IKZF1: variants seen among roughly 807,000 people sequenced by gnomAD.
IKZF1 encodes DNA-binding protein Ikaros.
IKZF1 carries 10 observed loss-of-function variants against 51.7 expected under a neutral mutation model. The observed-to-expected ratio is 0.19, with a 90% confidence interval of 0.12 to 0.33. IKZF1 has a LOEUF of 0.33. Ranked by LOEUF, IKZF1 falls within the 10% of genes least tolerant of loss-of-function variation. The pLI is 1.00. For missense variants in IKZF1, 484 were observed against 707.5 expected (o/e 0.68, Z 3.58); for synonymous variants, 280 against 282.3 (o/e 0.99, Z 0.08).
chr7:50,367,774 T>C, intron 3 of IKZF1: 1 of 505,404 alleles, frequency 2.0e-6, no homozygotes, highest in Non-Finnish European at 3.5e-6. Context: ...TCCAAACCAC[T>C]TTATGGGATA....
chr7:50,326,393 C>T (rs1254783248), intron 2 of IKZF1, among the ~76,000 whole-genome samples: 1 of 152,208 alleles, frequency 6.6e-6, no homozygotes, highest in Non-Finnish European at 1.5e-5. Flanking sequence ...GGACCTTCAT[C>T]TAAAATGGTC....
chr7:50,385,336 T>C lies in IKZF1; in HGVS notation c.590-2009T>C, dbSNP rs545514939. Among the ~76,000 whole-genome samples the C allele has an allele frequency of 2.0e-5, 3 of 152,326 alleles. No homozygotes were observed. In the East Asian group the frequency reaches 5.8e-4, roughly 29 times the overall value. ...CACACTCTACTCCATTGTGGAATGG[T>C]GACTCCCCTGTCCCATGAAAAACCA... On this transcript the variant is annotated intron_variant, in intron 5 of 7. Coordinates refer to ENST00000331340, the MANE Select transcript of IKZF1 (RefSeq NM_006060.6).
intron 5 of IKZF1, among the ~76,000 whole-genome samples, chr7:50,385,520 A>T (rs1057223353): frequency 6.6e-6 from 1 of 152,258 alleles, no homozygotes; most frequent in Admixed American, 6.5e-5. Flanking sequence ...TTCCTGCCTC[A>T]TGGCTTCCTT....
rs1815131435 is a variant in IKZF1, at chr7:50,391,735, A to G, written c.722A>G (p.Lys241Arg). 1 of 1,613,968 alleles carries G rather than the reference A, an allele frequency of 6.2e-7. No homozygotes were observed. The highest frequency in any genetic ancestry group is 8.5e-7 in the Non-Finnish European group (1 of 1,179,884). ...GLPGTLYPVI[K>R]EETNHSEMAE... ...TCTCTGTCTTTGACTTTAGTCATTA[A>G]AGAAGAAACTAATCACAGTGAAATG... Residue 241 changes from lysine to arginine, a missense_variant, in exon 7 of 8, where the codon AAA (lysine) becomes AGA (arginine). Lys to Arg is a conservative substitution (Grantham distance 26). Around this residue, in one of 6 missense-constraint regions of IKZF1, gnomAD observed 172 missense variants for 192.7 expected, o/e 0.89. Transcript: ENST00000331340.
At chr7:50,397,269 C>A (rs1232401551) in intron 7 of IKZF1, among the ~76,000 whole-genome samples, 3 of 152,154 alleles carry the variant, frequency 2.0e-5, no homozygotes, top group Admixed American at 6.5e-5. Flanking sequence ...ATATAATATT[C>A]TATGACTATA....
At chr7:50,397,317 A>G (rs1768201202) in intron 7 of IKZF1, among the ~76,000 whole-genome samples, 1 of 152,234 alleles carries the variant, frequency 6.6e-6, no homozygotes, top group Non-Finnish European at 1.5e-5. Flanking sequence ...GTTAAGAGAA[A>G]TTTATAGGTT....
intron 7 of IKZF1, among the ~76,000 whole-genome samples, chr7:50,395,647 A>G (rs1816502395): frequency 6.6e-6 from 1 of 152,210 alleles, no homozygotes; most frequent in African/African-American, 2.4e-5. Flanking sequence ...TACTAACTCT[A>G]TTTAAATAGA....
intron 3 of IKZF1, chr7:50,367,819 T>C: frequency 1.7e-6 from 1 of 578,346 alleles, no homozygotes; most frequent in East Asian, 2.9e-5. Flanking sequence ...GGGATTGTGG[T>C]CCTGTTCATG....
rs912314746 is a variant in IKZF1 at position 50,331,505 on chromosome 7, T to G, written c.160+3748T>G. Among the ~76,000 whole-genome samples, 5 of 151,716 alleles carry G rather than the reference T, an allele frequency of 3.3e-5. No homozygotes were observed. The South Asian group carries it at 6.3e-4, about 19-fold the overall frequency. ...TTGCAAGAGTGTCTGCTTTAGAAAGTGACAAGGAACACTTTTGGAAAGCTG... is the reference window on the plus strand; with the variant it reads ...TTGCAAGAGTGTCTGCTTTAGAAAGGGACAAGGAACACTTTTGGAAAGCTG... On this transcript the variant is annotated intron_variant, in intron 3 of 7. Transcript: ENST00000331340.
intron 3 of IKZF1, among the ~76,000 whole-genome samples, chr7:50,374,416 T>A (rs1049288091): frequency 1.3e-5 from 2 of 152,224 alleles, no homozygotes; most frequent in African/African-American, 4.8e-5. Flanking sequence ...ATTTGGATGC[T>A]GGGGCCAGGC....
intron 5 of IKZF1, 22 bp downstream of exon 5, chr7:50,382,729 CG>C: frequency 1.3e-6 from 2 of 1,592,118 alleles, no homozygotes; most frequent in Non-Finnish European, 8.5e-7. Flanking sequence ...GGATGCAGTC[CG>C]GGGCTGTCTG....
chr7:50,400,152 A>T lies in IKZF1; in HGVS notation c.1085A>T (p.Asn362Ile). 1 of 1,562,628 alleles carries T rather than the reference A, an allele frequency of 6.4e-7. No individual in the cohort carries two copies. Among genetic ancestry groups the T allele is most frequent in the Non-Finnish European group, 8.7e-7 (1 of 1,155,188 alleles). ...CTCGCGGAGGGCACCCCGCGCTCCA[A>T]CCACTCGGCCCAGGACAGCGCCGTG... is the stretch of plus-strand genomic sequence containing the variant. ...KPLAEGTPRSNHSAQDSAVEN... is the reference protein window; with the variant it reads ...KPLAEGTPRSIHSAQDSAVEN... The change falls in exon 8 of 8, where the codon AAC (asparagine) becomes ATC (isoleucine). Residue 362 changes from asparagine to isoleucine, a missense_variant. By Grantham distance (149) the Asn-to-Ile change is moderately radical. Coordinates refer to ENST00000331340, the MANE Select transcript of IKZF1 (RefSeq NM_006060.6). This position sits in a 1 kb window ranked among gnomAD's most constrained non-coding sequence, Gnocchi z 5.4.
chr7:50,362,781 G>A (rs763282530), intron 3 of IKZF1, among the ~76,000 whole-genome samples: 9 of 152,068 alleles, frequency 5.9e-5, no homozygotes, highest in South Asian at 2.1e-4. Context: ...AGTTGTGACC[G>A]GATAAGAGCA....
At chr7:50,373,778 A>G (rs1809421457) in intron 3 of IKZF1, among the ~76,000 whole-genome samples, 1 of 152,236 alleles carries the variant, frequency 6.6e-6, no homozygotes, top group Non-Finnish European at 1.5e-5. Flanking sequence ...TCTCCCAGAA[A>G]GATGCACAGC....
At chr7:50,332,030 G>T (rs1796538358) in intron 3 of IKZF1, among the ~76,000 whole-genome samples, 2 of 152,208 alleles carry the variant, frequency 1.3e-5, no homozygotes, top group Non-Finnish European at 2.9e-5. Flanking sequence ...TGAAGTGGTT[G>T]TGTATGAAAC....
At chr7:50,385,453 C>T (rs1019571220) in intron 5 of IKZF1, among the ~76,000 whole-genome samples, 35 of 152,122 alleles carry the variant, frequency 2.3e-4, no homozygotes, top group Non-Finnish European at 4.6e-4. Flanking sequence ...GGAATTTGTC[C>T]GATGCTGACA....
chr7:50,326,694 A>G (rs542813462), intron 2 of IKZF1, among the ~76,000 whole-genome samples: 3 of 152,334 alleles, frequency 2.0e-5, no homozygotes, highest in African/African-American at 4.8e-5. Flanking sequence ...CCTACTTTGT[A>G]TAGTATAAGC....
intron 7 of IKZF1, among the ~76,000 whole-genome samples, chr7:50,396,074 T>C (rs1479696941): frequency 6.6e-6 from 1 of 152,200 alleles, no homozygotes; most frequent in African/African-American, 2.4e-5. Context: ...AATAAAAAAT[T>C]CCTGCCATTT....
chr7:50,388,958 T>A (rs971469608), intron 6 of IKZF1, among the ~76,000 whole-genome samples: 2 of 152,170 alleles, frequency 1.3e-5, no homozygotes, highest in Non-Finnish European at 1.5e-5. Flanking sequence ...AATACAGTAA[T>A]CTAATATACA....
Sources: allele counts gnomAD v4.1 joint callset (sites outside exome capture counted in the v4.1 genomes callset), GRCh38; gene constraint gnomAD v4.1.1; regional missense constraint gnomAD v4.1.1; non-coding constraint Gnocchi (gnomAD v3.1); transcripts MANE v1.5; gene names NCBI Gene and HGNC (gene_info 2026-07-23, HGNC 2026-07-21).